The following ATG13 variants were observed in gnomAD, a reference collection of about 807,000 sequenced individuals.
ATG13 encodes the protein autophagy related 13.
Under a neutral mutation model 65.5 loss-of-function variants are expected in ATG13, and 23 were observed. The ratio of observed to expected loss-of-function variants is 0.35; its 90% confidence interval spans 0.25 to 0.50. The LOEUF (loss-of-function observed/expected upper bound fraction) is 0.50. Ranked by LOEUF, ATG13 falls within the 20% of genes least tolerant of loss-of-function variation. ATG13 has a pLI of 0.98. For synonymous variants in ATG13, 252 were observed against 245.2 expected (o/e 1.03, Z -0.26); for missense variants, 566 against 677.0 (o/e 0.84, Z 1.82).
intron 1 of ATG13, among the ~76,000 whole-genome samples, chr11:46,623,248 T>A (rs983331625): frequency 6.6e-5 from 10 of 152,024 alleles, no homozygotes; most frequent in Non-Finnish European, 1.3e-4. Context: ...GAGCCGAGAT[T>A]GTGCCACTGC....
intron 11 of ATG13, among the ~76,000 whole-genome samples, chr11:46,661,239 C>T (rs748395480): frequency 1.3e-5 from 2 of 151,758 alleles, no homozygotes; most frequent in African/African-American, 2.4e-5. Context: ...ATAGTTCTGC[C>T]GGGCGCAGTG....
intron 2 of ATG13, among the ~76,000 whole-genome samples, chr11:46,637,555 G>A (rs984381506): frequency 7.9e-5 from 12 of 151,980 alleles, no homozygotes; most frequent in Non-Finnish European, 1.5e-5. Flanking sequence ...GTATTTTTTT[G>A]GTAGAGACAG....
Position 46,650,265 on chromosome 11 carries a change from C to G in ATG13, c.406C>G (p.Pro136Ala). 6.2e-7 allele frequency: 1 copy of G among 1,613,992 alleles called. No individual in the cohort carries two copies. Among genetic ancestry groups the G allele is most frequent in the Non-Finnish European group, 8.5e-7 (1 of 1,179,948 alleles). Residue 136 changes from proline to alanine, a missense_variant, in exon 7 of 19, where the codon CCA becomes GCA. This residue lies in a region of ATG13 where 179 missense variants were observed against 267.2 expected (regional missense o/e 0.67). Transcript: ENST00000683050. Reference protein sequence around the residue: ...KSLLAITRVTPAYRLSRKQGH... With the variant: ...KSLLAITRVTAAYRLSRKQGH... Reference sequence around the variant, plus strand: ...CCTTCTTGCTATAACTAGGGTGACACCAGCCTATAGGCTCTCCAGGAAACA... The same window carrying G: ...CCTTCTTGCTATAACTAGGGTGACAGCAGCCTATAGGCTCTCCAGGAAACA...
intron 1 of ATG13, 121 bp downstream of exon 1, chr11:46,618,011 C>G (rs1373305982): frequency 1.0e-5 from 4 of 397,504 alleles, no homozygotes; most frequent in Non-Finnish European, 1.8e-5. Flanking sequence ...CGGTTCAATC[C>G]CCTGGGCCCC....
intron 15 of ATG13, 85 bp downstream of exon 15, chr11:46,667,972 T>A: frequency 9.4e-7 from 1 of 1,066,150 alleles, no homozygotes; most frequent in Non-Finnish European, 1.4e-6. Context: ...CCTGAGATAT[T>A]AATATATATG....
chr11:46,657,276 A>G (rs2060231462), intron 9 of ATG13, 85 bp downstream of exon 9: 3 of 1,296,874 alleles, frequency 2.3e-6, no homozygotes, highest in Non-Finnish European at 3.3e-6. Context: ...TAAACCTACA[A>G]TTCAGCTTTG....
At chr11:46,628,422 G>C (rs770754871) in intron 1 of ATG13, among the ~76,000 whole-genome samples, 1 of 151,730 alleles carries the variant, frequency 6.6e-6, no homozygotes, top group Non-Finnish European at 1.5e-5. Flanking sequence ...ACAAAACCCC[G>C]CGTTTTAAGC....
At position 46,672,936 on chromosome 11, in the gene ATG13, A is replaced by G; in HGVS notation, c.*604A>G. On this transcript the variant is annotated 3_prime_UTR_variant, in exon 19 of 19. Coordinates refer to ENST00000683050, the MANE Select transcript of ATG13 (RefSeq NM_001346311.2). ...CTGCCTACCCAAGATCAGAACTCCA[A>G]AACCACTCCCACCCCTGAAGGTCGG... The G allele has an allele frequency of 1.5e-6, 1 of 675,566 alleles. No homozygotes were observed. The highest frequency in any genetic ancestry group is 1.9e-5 in the South Asian group (1 of 52,344). The allele number at this position is 675,566 out of a possible 1,614,324, so 41.8% of individuals were successfully genotyped here. A position where few individuals can be genotyped will look rare whatever the true frequency, so the allele number is the denominator to read the frequency against.
chr11:46,654,325 C>T (rs560753965), intron 7 of ATG13, among the ~76,000 whole-genome samples: 16 of 139,430 alleles, frequency 1.1e-4, no homozygotes, highest in African/African-American at 3.3e-4. Flanking sequence ...AAGAGAGCTT[C>T]CCACAACTAA....
intron 7 of ATG13, among the ~76,000 whole-genome samples, chr11:46,654,555 T>C (rs1423668161): frequency 6.7e-6 from 1 of 149,080 alleles, no homozygotes; most frequent in African/African-American, 2.5e-5. Context: ...ACCCTGTCTA[T>C]ACTAGAAATA....
In ATG13 at chr11:46,617,571, T is replaced by A; in HGVS notation, c.-389T>A. On this transcript the variant is annotated 5_prime_UTR_variant, in exon 1 of 19. An upstream start codon of the reference 5' UTR is lost. Coordinates refer to ENST00000683050, the MANE Select transcript of ATG13 (RefSeq NM_001346311.2). ...CCCCCCCGGCCATTACCGAAGCGGATGAAAACAAACACTAACGATGGCGGC... is the reference window on the plus strand; with the variant it reads ...CCCCCCCGGCCATTACCGAAGCGGAAGAAAACAAACACTAACGATGGCGGC... 8.5e-6 allele frequency: 1 copy of A among 118,134 alleles called. No individual in the cohort carries two copies. The highest frequency in any genetic ancestry group is 4.6e-3 in the Middle Eastern group (1 of 218). 7.3% of individuals were successfully genotyped at this position (118,134 alleles called of 1,614,324 possible). A position where few individuals can be genotyped will look rare whatever the true frequency, so the allele number is the denominator to read the frequency against.
intron 12 of ATG13, 60 bp downstream of exon 12, chr11:46,664,155 G>T: frequency 2.4e-6 from 3 of 1,254,276 alleles, no homozygotes; most frequent in Non-Finnish European, 3.4e-6. Context: ...TTTAAAAATT[G>T]TAAATAAATT....
intron 3 of ATG13, among the ~76,000 whole-genome samples, chr11:46,644,695 CA>C (rs1274440022): frequency 6.6e-6 from 1 of 151,892 alleles, no homozygotes; most frequent in Non-Finnish European, 1.5e-5. Context: ...CTGGAATGGG[CA>C]GCATTTTGGA....
In ATG13 at chr11:46,659,468, A is replaced by G. The variant is rs1166965832; in HGVS notation, c.772A>G (p.Thr258Ala). ...SQEVCTTSFS[T>A]SPPSQCVFTV... ...AGAAGTGTGTACCACCTCTTTTTCC[A>G]CCTCCCCACCATCCCAGGTAGGGGG... Residue 258 changes from threonine to alanine, a missense_variant, in exon 11 of 19, where the codon ACC (threonine) becomes GCC (alanine). Physicochemically the swap from Thr to Ala is moderately conservative, Grantham distance 58. Coordinates refer to ENST00000683050, the MANE Select transcript of ATG13 (RefSeq NM_001346311.2). 5.0e-6 allele frequency: 8 copies of G among 1,613,020 alleles called. No homozygotes were observed. The highest frequency in any genetic ancestry group is 1.7e-6 in the Non-Finnish European group (2 of 1,179,502).
At chr11:46,626,497 G>A (rs971898068) in intron 1 of ATG13, among the ~76,000 whole-genome samples, 1 of 152,098 alleles carries the variant, frequency 6.6e-6, no homozygotes, top group Non-Finnish European at 1.5e-5. Flanking sequence ...TGATCCGTCC[G>A]CCTCCGCCTC....
In ATG13 at chr11:46,650,050, G is replaced by A. The variant is rs539944877; in HGVS notation, c.318-127G>A. On this transcript the variant is annotated intron_variant, in intron 6 of 18. Coordinates refer to ENST00000683050, the MANE Select transcript of ATG13 (RefSeq NM_001346311.2). ...GAAAGTAAAACATTGGCTTACCTCA[G>A]TAATCTGTTGATAAAGGTGTAATTA... 13 of 1,040,186 alleles carry A rather than the reference G, an allele frequency of 1.2e-5. No individual in the cohort carries two copies. In the South Asian group the frequency reaches 2.7e-4, roughly 21 times the overall value. The allele number at this position is 1,040,186 out of a possible 1,614,324, so 64.4% of individuals were successfully genotyped here.
intron 7 of ATG13, among the ~76,000 whole-genome samples, chr11:46,650,521 A>G (rs981672375): frequency 2.0e-5 from 3 of 152,168 alleles, no homozygotes; most frequent in Non-Finnish European, 4.4e-5. Context: ...ATCCTTTTCT[A>G]TATGCACAAT....
rs1489868527 is a variant in ATG13 at position 46,649,067 on chromosome 11, T to TTA, written c.271-67_271-66dup. ...TGCTTATCTATACCTTTTAATATTT[T>TTA]TATAGTGACTGTAATGCTTTGAAAT... On this transcript the variant is annotated intron_variant, in intron 5 of 18. Coordinates refer to ENST00000683050, the MANE Select transcript of ATG13 (RefSeq NM_001346311.2). 5.9e-6 allele frequency: 8 copies of TTA among 1,365,390 alleles called. No homozygotes were observed. The Admixed American group carries it at 1.6e-4, about 28-fold the overall frequency. The allele number at this position is 1,365,390 out of a possible 1,614,324, so 84.6% of individuals were successfully genotyped here.
chr11:46,644,419 T>A (rs1329403680), intron 3 of ATG13, 59 bp downstream of exon 3: 4 of 1,413,988 alleles, frequency 2.8e-6, no homozygotes, highest in Non-Finnish European at 3.9e-6. Flanking sequence ...TGCTTCTCCC[T>A]TTTGCGAACA....
Sources: gnomAD v4.1 joint callset for allele counts (sites outside exome capture counted in the v4.1 genomes callset) on GRCh38, gnomAD v4.1.1 for gene constraint, gnomAD v4.1.1 regional missense constraint, MANE v1.5 for transcripts, NCBI Gene and HGNC (gene_info 2026-07-23, HGNC 2026-07-21) for gene names.